AKNA: variants seen among roughly 807,000 people sequenced by gnomAD.
AKNA encodes the protein AT-hook transcription factor, also known as microtubule organization protein AKNA.
A neutral mutation model predicts 138.8 loss-of-function variants in AKNA; 67 were observed. That is an observed-to-expected ratio of 0.48 (90% confidence interval 0.40 to 0.59). The LOEUF (loss-of-function observed/expected upper bound fraction) is 0.59, where lower values mean the gene tolerates loss of function less well. AKNA is among the 20% of genes least tolerant of loss of function. The pLI is 0.00. For synonymous variants in AKNA, 737 were observed against 754.4 expected, an observed-to-expected ratio of 0.98 and a Z score of 0.38; for missense variants, 1,813 against 1,880.4, an observed-to-expected ratio of 0.96 and a Z score of 0.66.
intron 1 of AKNA, among the ~76,000 whole-genome samples, chr9:114,386,344 G>C (rs764408928): frequency 6.6e-5 from 10 of 152,224 alleles, no homozygotes; most frequent in Admixed American, 1.3e-4. Context: ...ATGAGGATTT[G>C]GGGGAGAAGA....
At chr9:114,330,773 G>C (rs143227432), downstream of AKNA, 7 of 1,612,608 alleles carry the variant, frequency 4.3e-6, no homozygotes, top group Non-Finnish European at 5.9e-6. Flanking sequence ...TTTTTCTTCC[G>C]CCTTCTGGTT....
intron 9 of AKNA, 76 bp downstream of exon 9, chr9:114,361,628 T>A (rs1831967431): frequency 1.1e-5 from 17 of 1,492,232 alleles, no homozygotes; most frequent in Non-Finnish European, 8.4e-6. Flanking sequence ...AAATATGTAA[T>A]ACGTATTGAA....
intron 3 of AKNA, chr9:114,375,955 G>A (rs750377178): frequency 4.9e-5 from 21 of 432,864 alleles, no homozygotes; most frequent in South Asian, 1.4e-4. Flanking sequence ...CCTCCCTACC[G>A]CAGCCAGCCT....
At chr9:114,367,912 T>C (rs1329257560) in intron 5 of AKNA, among the ~76,000 whole-genome samples, 4 of 152,210 alleles carry the variant, frequency 2.6e-5, no homozygotes, top group East Asian at 1.9e-4. Flanking sequence ...GGCCACATGG[T>C]TGGCTGGAGC....
chr9:114,385,520 G>A (rs939917365), intron 1 of AKNA, among the ~76,000 whole-genome samples: 3 of 152,206 alleles, frequency 2.0e-5, no homozygotes, highest in Non-Finnish European at 4.4e-5. Flanking sequence ...CTTTTTAAAG[G>A]GCTTTTTTTC....
At chr9:114,331,185 GC>G (rs1829844355), downstream of AKNA, among the ~76,000 whole-genome samples, 1 of 152,100 alleles carries the variant, frequency 6.6e-6, no homozygotes, top group African/African-American at 2.4e-5. Flanking sequence ...AATGGTAGAA[GC>G]CTGTATGTTG....
At position 114,359,953 on chromosome 9, in the gene AKNA, G is replaced by C; in HGVS notation, c.2234C>G (p.Ala745Gly). 1 of 1,614,206 alleles carries C rather than the reference G, an allele frequency of 6.2e-7. No individual in the cohort carries two copies. Among genetic ancestry groups the C allele is most frequent in the Non-Finnish European group, 8.5e-7 (1 of 1,180,024 alleles). ...CTGCAGCTCCTTGTGCCTGAGTCGG[G>C]CCAGGGGGTCCTGTGGCCTGTCCTC... ...EVEDRPQDPL[A>G]RLRHKELQME... The change falls in exon 10 of 22, where the codon GCC (alanine) becomes GGC (glycine). Residue 745 changes from alanine (A) to glycine (G), a missense_variant. Physicochemically the swap from Ala to Gly is moderately conservative, Grantham distance 60 (BLOSUM62 0). Transcript: ENST00000374088.
At chr9:114,370,376 T>C (rs1306689755) in intron 4 of AKNA, among the ~76,000 whole-genome samples, 1 of 152,066 alleles carries the variant, frequency 6.6e-6, no homozygotes, top group Non-Finnish European at 1.5e-5. Context: ...CCCAGACCCC[T>C]CTCTCAGCCT....
downstream of AKNA, among the ~76,000 whole-genome samples, chr9:114,332,889 TC>T: frequency 6.6e-6 from 1 of 152,150 alleles, no homozygotes; most frequent in Admixed American, 6.5e-5. Flanking sequence ...AAGCTGAGGT[TC>T]AGAGACAGAA....
chr9:114,344,193 T>G (rs959379925), intron 18 of AKNA: 5 of 202,242 alleles, frequency 2.5e-5, no homozygotes, highest in South Asian at 2.0e-4. Context: ...CAAGTGATGC[T>G]ATTCCCCACA....
chr9:114,337,791 G>C (rs577225778), intron 21 of AKNA, among the ~76,000 whole-genome samples: 2 of 151,232 alleles, frequency 1.3e-5, no homozygotes, highest in South Asian at 4.2e-4. Flanking sequence ...ATTAATAATA[G>C]TAATAATAAT....
At chr9:114,342,168 A>C in intron 19 of AKNA, 43 bp from the exon 20 acceptor site, 1 of 1,409,546 alleles carries the variant, frequency 7.1e-7, no homozygotes, top group Non-Finnish European at 9.6e-7. Context: ...TTACATCTAA[A>C]TCATCAGATC....
At chr9:114,358,616 G>A (rs1831680695) in intron 11 of AKNA, among the ~76,000 whole-genome samples, 1 of 151,708 alleles carries the variant, frequency 6.6e-6, no homozygotes, top group Non-Finnish European at 1.5e-5. Context: ...AGATCCACTT[G>A]CCTGCTAAAT....
chr9:114,381,706 G>T (rs1376638488), intron 1 of AKNA, among the ~76,000 whole-genome samples: 3 of 120,762 alleles, frequency 2.5e-5, no homozygotes, highest in Admixed American at 1.2e-4. Context: ...TGTTGCCCAG[G>T]CTGGAGTGCA....
chr9:114,333,079 A>G, downstream of AKNA: 1 of 1,572,188 alleles, frequency 6.4e-7, no homozygotes. Context: ...GATAAGTGTG[A>G]GCCACTGGAG....
Position 114,377,535 on chromosome 9 carries a change from G to A in AKNA, c.275-3C>T, listed in dbSNP as rs202093704. On this transcript the variant is annotated splice_polypyrimidine_tract_variant and splice_region_variant and intron_variant, in intron 2 of 21. Coordinates refer to ENST00000374088, the MANE Select transcript of AKNA (RefSeq NM_001317950.2). ...GTCCACATCCTCTGCTTCAGCCTCT[G>A]GAAAGACAGGCCATTCACTTCTTAG... The A allele has an allele frequency of 8.7e-4, 1,388 of 1,586,500 alleles. 1 individual carries two copies. Among genetic ancestry groups the A allele is most frequent in the Non-Finnish European group, 1.1e-3 (1,339 of 1,166,338 alleles).
chr9:114,342,333 T>C (rs1240956895), intron 19 of AKNA, among the ~76,000 whole-genome samples: 1 of 152,192 alleles, frequency 6.6e-6, no homozygotes, highest in Non-Finnish European at 1.5e-5. Context: ...AGGGCCTTCC[T>C]GCATTATTTT....
At chr9:114,388,914 G>T (rs1834224283), upstream of AKNA, among the ~76,000 whole-genome samples, 1 of 152,162 alleles carries the variant, frequency 6.6e-6, no homozygotes, top group Non-Finnish European at 1.5e-5. Context: ...ACTGAAGCCT[G>T]GGGCTCACCC....
chr9:114,367,858 T>C (rs1471682854), intron 5 of AKNA, among the ~76,000 whole-genome samples, 161 bp from the exon 6 acceptor site: 1 of 152,216 alleles, frequency 6.6e-6, no homozygotes, highest in African/African-American at 2.4e-5. Flanking sequence ...GGGTAGAACA[T>C]TGTCCCCCAT....
Sources: gnomAD v4.1 joint callset for allele counts (sites outside exome capture counted in the v4.1 genomes callset) on GRCh38, gnomAD v4.1.1 for gene constraint, MANE v1.5 for transcripts, NCBI Gene and HGNC (gene_info 2026-07-23, HGNC 2026-07-21) for gene names.